ZNF208: variants seen among roughly 807,000 people sequenced by gnomAD.
ZNF208 encodes zinc finger protein 95.
In ZNF208, 10 loss-of-function variants were observed where a neutral mutation model predicts 12.1. The ratio of observed to expected loss-of-function variants is 0.83; its 90% confidence interval spans 0.51 to 1.40. The LOEUF (loss-of-function observed/expected upper bound fraction) is 1.40, where lower values mean the gene tolerates loss of function less well. Among genes scored for constraint, ZNF208 ranks in the 40% most tolerant of loss-of-function variants. The pLI, the probability that ZNF208 is intolerant of heterozygous loss-of-function variation, is 0.00. For synonymous variants in ZNF208, 497 were observed against 488.4 expected (o/e 1.02, Z -0.23); for missense variants, 1,652 against 1,485.0 (o/e 1.11, Z -1.85).
downstream of ZNF208, among the ~76,000 whole-genome samples, chr19:21,965,344 G>C (rs865845724): frequency 2.0e-5 from 3 of 151,960 alleles, no homozygotes; most frequent in Non-Finnish European, 1.5e-5. Context: ...GAAATGTCAT[G>C]GTTCATTCTT....
In ZNF208 at chr19:21,973,206, T is replaced by C; in HGVS notation, c.1828A>G (p.Lys610Glu). The change falls in exon 4 of 4, where the codon AAA (lysine) becomes GAA (glutamate). Residue 610 changes from lysine to glutamate, a missense_variant. Around this residue, in one of 3 missense-constraint regions of ZNF208, gnomAD observed 1,239 missense variants for 1,086.2 expected, o/e 1.14. Transcript: ENST00000397126. ...AAGGTTTTGCCACATTCTTCACATTTGTAGGGTTTCTCACCAGTATGAATT... is the reference window on the plus strand; with the variant it reads ...AAGGTTTTGCCACATTCTTCACATTCGTAGGGTTTCTCACCAGTATGAATT... The part of the protein sequence containing the change: ...KRIHTGEKPY[K>E]CEECGKTFSK... The C allele has an allele frequency of 6.2e-7, 1 of 1,613,718 alleles. No homozygotes were observed. The highest frequency in any genetic ancestry group is 8.5e-7 in the Non-Finnish European group (1 of 1,179,894).
At chr19:21,952,847 G>T (rs1969913017) in intron 4 of ZNF208, among the ~76,000 whole-genome samples, 1 of 152,202 alleles carries the variant, frequency 6.6e-6, no homozygotes. Context: ...GTAGGCTTCA[G>T]AAGGTCGGTA....
intron 1 of ZNF208, among the ~76,000 whole-genome samples, chr19:21,999,153 A>T (rs1290218100): frequency 3.3e-5 from 5 of 151,740 alleles, no homozygotes. Flanking sequence ...ATTTAATGGT[A>T]AATTTTTTTG....
intron 1 of ZNF208, among the ~76,000 whole-genome samples, chr19:22,007,343 C>A (rs1322184187): frequency 2.0e-5 from 3 of 151,082 alleles, no homozygotes; most frequent in Admixed American, 6.6e-5. Context: ...CACGGTGAAA[C>A]CCCGTCTCTA....
chr19:21,941,795 T>TA (rs1349264159), intron 4 of ZNF208, among the ~76,000 whole-genome samples: 1 of 152,184 alleles, frequency 6.6e-6, no homozygotes, highest in Non-Finnish European at 1.5e-5. Context: ...TATCCGTACA[T>TA]ACACAGAATA....
At chr19:22,002,984 C>T (rs1486487541) in intron 1 of ZNF208, among the ~76,000 whole-genome samples, 1 of 152,114 alleles carries the variant, frequency 6.6e-6, no homozygotes, top group Non-Finnish European at 1.5e-5. Context: ...CAACATGGTA[C>T]TGGTACAAAA....
chr19:21,979,568 C>T (rs1349152775), intron 3 of ZNF208, among the ~76,000 whole-genome samples: 1 of 152,144 alleles, frequency 6.6e-6, no homozygotes, highest in Non-Finnish European at 1.5e-5. Context: ...TACAAGAGCT[C>T]CTGAAGGAAG....
chr19:21,963,689 C>A (rs1041085056), downstream of ZNF208, among the ~76,000 whole-genome samples: 1 of 151,878 alleles, frequency 6.6e-6, no homozygotes, highest in Non-Finnish European at 1.5e-5. Context: ...ATGTTTGTTA[C>A]CCTTTAGTTT....
intron 4 of ZNF208, among the ~76,000 whole-genome samples, chr19:21,957,190 C>T (rs1969990410): frequency 6.6e-6 from 1 of 152,118 alleles, no homozygotes; most frequent in African/African-American, 2.4e-5. Context: ...CAGGCATGCA[C>T]CACCATGGCC....
chr19:21,951,523 T>A (rs2145517054), intron 4 of ZNF208, among the ~76,000 whole-genome samples: 1 of 152,382 alleles, frequency 6.6e-6, no homozygotes, highest in Non-Finnish European at 1.5e-5. Flanking sequence ...AAGAATACTC[T>A]GTGTAAAAAT....
In ZNF208 at chr19:22,010,879, A is replaced by G; in HGVS notation, c.-85T>C. On this transcript the variant is annotated 5_prime_UTR_variant, in exon 1 of 4. Transcript: ENST00000397126. ...ATAGGGCCACAGAGGCTGGGACTCTAGGAGCAGAGGACACACAGCAGTAAG... is the reference window on the plus strand; with the variant it reads ...ATAGGGCCACAGAGGCTGGGACTCTGGGAGCAGAGGACACACAGCAGTAAG... 1 of 1,589,018 alleles carries G rather than the reference A, an allele frequency of 6.3e-7. No individual in the cohort carries two copies. Among genetic ancestry groups the G allele is most frequent in the South Asian group, 1.1e-5 (1 of 90,394 alleles).
intron 4 of ZNF208, among the ~76,000 whole-genome samples, chr19:21,958,400 C>A (rs1599605132): frequency 6.6e-6 from 1 of 152,264 alleles, no homozygotes; most frequent in East Asian, 1.9e-4. Context: ...AATTATTCTG[C>A]AAATCTGGCT....
intron 3 of ZNF208, among the ~76,000 whole-genome samples, chr19:21,985,094 C>G (rs1970611383): frequency 6.6e-6 from 1 of 152,002 alleles, no homozygotes; most frequent in African/African-American, 2.4e-5. Flanking sequence ...AAATATTCTA[C>G]CAATTATAAC....
intron 3 of ZNF208, among the ~76,000 whole-genome samples, chr19:21,984,389 C>T (rs533029841): frequency 3.3e-5 from 5 of 152,024 alleles, no homozygotes; most frequent in Non-Finnish European, 5.9e-5. Flanking sequence ...CCTGTCTCTA[C>T]TAAAATACAA....
chr19:21,971,882 T>C lies in ZNF208; in HGVS notation c.3152A>G (p.His1051Arg). 1 of 1,612,804 alleles carries C rather than the reference T, an allele frequency of 6.2e-7. No homozygotes were observed. Among genetic ancestry groups the C allele is most frequent in the Admixed American group, 1.7e-5 (1 of 59,914 alleles). ...ACATTTGTAGGGTTTTTCTCCAGCA[T>C]GAGTTGCCTTATGTTCAGTAAGGCT... Reference protein sequence around the residue: ...PSSLTEHKATHAGEKPYKCEE... With the variant: ...PSSLTEHKATRAGEKPYKCEE... The change falls in exon 4 of 4, where the codon CAT (histidine) becomes CGT (arginine). Residue 1051 changes from histidine to arginine, a missense_variant. By Grantham distance (29) the His-to-Arg change is conservative. This residue lies in a region of ZNF208 where 1,239 missense variants were observed against 1,086.2 expected (regional missense o/e 1.14). Transcript: ENST00000397126.
chr19:21,976,724 C>A (rs778920590), intron 3 of ZNF208, among the ~76,000 whole-genome samples: 3 of 152,112 alleles, frequency 2.0e-5, no homozygotes, highest in Non-Finnish European at 4.4e-5. Context: ...CCACACCCAG[C>A]TAATTTCTGC....
intron 4 of ZNF208, among the ~76,000 whole-genome samples, chr19:21,949,182 G>T (rs1319369829): frequency 2.0e-5 from 3 of 152,182 alleles, no homozygotes; most frequent in Non-Finnish European, 4.4e-5. Context: ...GCTAAAACAG[G>T]CCCTGTTCAA....
At chr19:21,948,872 T>A (rs1004675097) in intron 4 of ZNF208, among the ~76,000 whole-genome samples, 1 of 152,002 alleles carries the variant, frequency 6.6e-6, no homozygotes, top group African/African-American at 2.4e-5. Context: ...AGAGACAGAA[T>A]CCCCATTCCC....
intron 1 of ZNF208, among the ~76,000 whole-genome samples, chr19:21,993,859 A>G (rs1350293906): frequency 6.6e-6 from 1 of 152,194 alleles, no homozygotes; most frequent in Admixed American, 6.5e-5. Flanking sequence ...GCAATTTCTG[A>G]GTAAGTCTGC....
Sources: allele counts gnomAD v4.1 joint callset (sites outside exome capture counted in the v4.1 genomes callset), GRCh38; gene constraint gnomAD v4.1.1; regional missense constraint gnomAD v4.1.1; transcripts MANE v1.5; gene names NCBI Gene and HGNC (gene_info 2026-07-23, HGNC 2026-07-21).